Variants in MAU2 observed in about 807,000 individuals in gnomAD.
MAU2 encodes MAU2 chromatid cohesion factor homolog.
MAU2 carries 9 observed loss-of-function variants against 89.1 expected under a neutral mutation model. That is an observed-to-expected ratio of 0.10 (90% CI 0.06 to 0.18). The LOEUF is 0.18. Among genes scored for constraint, MAU2 ranks in the 10% least tolerant of loss-of-function variants. MAU2 has a pLI of 1.00. For missense variants in MAU2, 425 were observed against 803.5 expected (o/e 0.53, Z 5.69); for synonymous variants, 357 against 343.4 (o/e 1.04, Z -0.44).
At chr19:19,337,481 C>T (rs1249753245) in intron 4 of MAU2, among the ~76,000 whole-genome samples, 6 of 152,238 alleles carry the variant, frequency 3.9e-5, no homozygotes, top group Admixed American at 2.0e-4. Flanking sequence ...GCCTGGCTCT[C>T]GGCAACACCC....
In MAU2 at chr19:19,355,247, T is replaced by C. The variant is rs1206276587; in HGVS notation, c.1640-17T>C. On this transcript the variant is annotated splice_polypyrimidine_tract_variant and intron_variant, in intron 17 of 18. Coordinates refer to ENST00000262815, the MANE Select transcript of MAU2 (RefSeq NM_015329.4). The stretch of plus-strand genomic sequence containing the variant: ...GACAGGGCAAGGCGGGCCCCCATGC[T>C]CATGTCCCACTCTCAGACCTGAATA... 5.6e-6 allele frequency: 9 copies of C among 1,613,400 alleles called. No individual in the cohort carries two copies.
chr19:19,328,657 G>A (rs1265309011), intron 1 of MAU2, among the ~76,000 whole-genome samples: 1 of 151,982 alleles, frequency 6.6e-6, no homozygotes, highest in Non-Finnish European at 1.5e-5. Context: ...TCCTGACCTC[G>A]TAATCCGCCC....
intron 10 of MAU2, chr19:19,344,178 G>C: frequency 2.1e-6 from 1 of 484,294 alleles, no homozygotes. Flanking sequence ...TTGGGAGGCC[G>C]AGGCGGGTGG....
At chr19:19,349,089 C>T (rs2061720184) in intron 14 of MAU2, 66 bp from the exon 15 acceptor site, 9 of 1,588,380 alleles carry the variant, frequency 5.7e-6, no homozygotes, top group Non-Finnish European at 6.9e-6. Context: ...CCCAGCTGCC[C>T]ACTGCCGTTT....
intron 7 of MAU2, among the ~76,000 whole-genome samples, chr19:19,342,309 G>A (rs563391438): frequency 2.6e-5 from 4 of 152,324 alleles, no homozygotes; most frequent in Admixed American, 2.0e-4. Context: ...ACACTGGGCA[G>A]TGGACAAGCC....
At chr19:19,326,065 A>C (rs1331637924) in intron 1 of MAU2, among the ~76,000 whole-genome samples, 1 of 147,206 alleles carries the variant, frequency 6.8e-6, no homozygotes, top group Admixed American at 6.9e-5. Flanking sequence ...CAATGGCGCA[A>C]TCTCAAATCA....
chr19:19,348,043 GTATCTCC>G (rs1456252159), intron 13 of MAU2: 1 of 153,450 alleles, frequency 6.5e-6, no homozygotes, highest in Non-Finnish European at 1.4e-5. Context: ...CTCAGTTCTA[GTATCTCC>G]TTCACCTCTG....
intron 7 of MAU2, 119 bp from the exon 8 acceptor site, chr19:19,342,416 G>C: frequency 7.8e-7 from 1 of 1,275,124 alleles, no homozygotes; most frequent in Non-Finnish European, 1.1e-6. Flanking sequence ...TGCAGGAGGT[G>C]GCCCTGGCAG....
At chr19:19,340,594 G>A (rs938641639) in intron 5 of MAU2, among the ~76,000 whole-genome samples, 2 of 150,492 alleles carry the variant, frequency 1.3e-5, no homozygotes, top group Admixed American at 6.6e-5. Flanking sequence ...AGCTGAGACC[G>A]CACCACTGCA....
intron 5 of MAU2, among the ~76,000 whole-genome samples, chr19:19,339,894 C>T (rs554101418): frequency 8.6e-5 from 13 of 151,980 alleles, no homozygotes; most frequent in East Asian, 3.9e-4. Flanking sequence ...CATGGCCGGG[C>T]GCAGTGGCTC....
intron 9 of MAU2, among the ~76,000 whole-genome samples, chr19:19,343,474 C>T (rs1386505315): frequency 1.3e-5 from 2 of 151,840 alleles, no homozygotes; most frequent in African/African-American, 2.4e-5. Flanking sequence ...CAGCCCAGGT[C>T]CCCCTACCCG....
chr19:19,334,044 G>C (rs1044624554), intron 1 of MAU2: 6 of 355,304 alleles, frequency 1.7e-5, no homozygotes, highest in African/African-American at 1.3e-4. Context: ...ATCCCTTCCA[G>C]TTGGTGGCCT....
chr19:19,328,439 T>G (rs934719365), intron 1 of MAU2, among the ~76,000 whole-genome samples: 8 of 151,614 alleles, frequency 5.3e-5, no homozygotes, highest in Admixed American at 5.3e-4. Context: ...TTTTTTTTTT[T>G]GAGACAGAGT....
In MAU2 at chr19:19,347,284, C is replaced by G. The variant is rs1599921166; in HGVS notation, c.1226C>G (p.Thr409Ser). 6.2e-7 allele frequency: 1 copy of G among 1,613,544 alleles called. No homozygotes were observed. Reference sequence around the variant, plus strand: ...TGTCCCCGCCTCCCATTCCAGCTCACCAACCACCAGGAGCTGTGGGCCTTC... The same window carrying G: ...TGTCCCCGCCTCCCATTCCAGCTCAGCAACCACCAGGAGCTGTGGGCCTTC... ...EAQFTTALRLTNHQELWAFIV... is the reference protein window; with the variant it reads ...EAQFTTALRLSNHQELWAFIV... Residue 409 changes from threonine to serine, a missense_variant, in exon 13 of 19, where the codon ACC becomes AGC. Around this residue, in one of 11 missense-constraint regions of MAU2, gnomAD observed 66 missense variants for 129.1 expected, o/e 0.51. Coordinates refer to ENST00000262815, the MANE Select transcript of MAU2 (RefSeq NM_015329.4).
intron 10 of MAU2, chr19:19,344,344 A>G (rs915576710): frequency 4.1e-5 from 10 of 241,002 alleles, no homozygotes; most frequent in Non-Finnish European, 8.3e-5. Flanking sequence ...CCCAGGAGGC[A>G]GAGGTTGCAG....
chr19:19,321,111 G>C lies in MAU2; in HGVS notation c.252G>C (p.Gln84His), dbSNP rs750994182. 1 of 1,599,520 alleles carries C rather than the reference G, an allele frequency of 6.3e-7. No homozygotes were observed. The highest frequency in any genetic ancestry group is 1.4e-5 in the African/African-American group (1 of 73,024). ...ATCACCACACCAAGAACAGCGAGCA[G>C]GCGCGCAGCCACCTGGAGAAGGCGG... ...VLYHHTKNSE[Q>H]ARSHLEKAWL... The change falls in exon 1 of 19, where the codon CAG becomes CAC. Residue 84 changes from glutamine to histidine, a missense_variant. Around this residue, in one of 11 missense-constraint regions of MAU2, gnomAD observed 57 missense variants for 57.5 expected, o/e 0.99. Transcript: ENST00000262815.
chr19:19,321,237 C>T (rs2146641678), intron 1 of MAU2, 102 bp downstream of exon 1: 1 of 1,321,126 alleles, frequency 7.6e-7, no homozygotes, highest in South Asian at 1.7e-5. Flanking sequence ...CCTCGGCGAC[C>T]TGGGGGCGCG....
At chr19:19,348,684 C>T (rs1434245083) in intron 13 of MAU2, 2 of 666,570 alleles carry the variant, frequency 3.0e-6, no homozygotes, top group Non-Finnish European at 5.4e-6. Flanking sequence ...GACAGGGTGG[C>T]ACAGGCAGGG....
chr19:19,326,718 A>G (rs1302576854), intron 1 of MAU2, among the ~76,000 whole-genome samples: 3 of 112,574 alleles, frequency 2.7e-5, no homozygotes, highest in Non-Finnish European at 5.6e-5. Flanking sequence ...ATATATATAT[A>G]TACATATATA....
Sources: gnomAD v4.1 joint callset for allele counts (sites outside exome capture counted in the v4.1 genomes callset) on GRCh38, gnomAD v4.1.1 for gene constraint, gnomAD v4.1.1 regional missense constraint, MANE v1.5 for transcripts, NCBI Gene and HGNC (gene_info 2026-07-23, HGNC 2026-07-21) for gene names.